Variants in SLC2A5 observed in about 807,000 individuals in gnomAD.
SLC2A5 encodes the protein solute carrier family 2, facilitated glucose transporter member 5.
In SLC2A5, 56 loss-of-function variants were observed where a neutral mutation model predicts 50.3. That is an observed-to-expected ratio of 1.11 (90% confidence interval 0.90 to 1.39). SLC2A5 has a LOEUF of 1.39. Ranked by LOEUF, SLC2A5 falls within the 40% of genes most tolerant of loss-of-function variation. SLC2A5 has a pLI of 0.00. For synonymous variants in SLC2A5, 269 were observed against 281.9 expected (o/e 0.95, Z 0.46); for missense variants, 566 against 650.1 (o/e 0.87, Z 1.41).
upstream of SLC2A5, among the ~76,000 whole-genome samples, chr1:9,090,562 T>C (rs1289779926): frequency 1.3e-5 from 2 of 152,206 alleles, no homozygotes; most frequent in African/African-American, 4.8e-5. Context: ...TCCGCTTTTG[T>C]TCCTGTTTAT....
chr1:9,078,226 G>A (rs1430196667), intron 2 of SLC2A5, among the ~76,000 whole-genome samples: 1 of 152,110 alleles, frequency 6.6e-6, no homozygotes, highest in African/African-American at 2.4e-5. Flanking sequence ...ATGACAGTGA[G>A]GACAACCAGA....
chr1:9,038,597 G>A (rs1557660626), intron 9 of SLC2A5, 91 bp from the exon 10 acceptor site: 7 of 1,272,032 alleles, frequency 5.5e-6, no homozygotes, highest in South Asian at 2.5e-5. Context: ...GGTGGAGGAT[G>A]GCACCTGGCT....
At chr1:9,070,708 CT>C (rs370453099), upstream of SLC2A5, among the ~76,000 whole-genome samples, 278 of 152,232 alleles carry the variant, frequency 1.8e-3, 4 homozygotes, top group Middle Eastern at 0.014. Flanking sequence ...GTGATTGATT[CT>C]GAATCTCATG....
At position 9,039,593 on chromosome 1, in the gene SLC2A5, C is replaced by A; in HGVS notation, c.955G>T (p.Ala319Ser). ...VPEEHVQYVT[A>S]GTGAVNVVMT... ...ACCACGTTCACGGCCCCGGTGCCGG[C>A]CGTCACGTACTGCACGTGCTCCTCC... The change falls in exon 8 of 12, where the codon GCC becomes TCC. Residue 319 changes from alanine (A) to serine (S), a missense_variant. Ala to Ser is a moderately conservative substitution (Grantham distance 99). Transcript: ENST00000377424. 1.3e-6 allele frequency: 2 copies of A among 1,575,614 alleles called. No homozygotes were observed. The highest frequency in any genetic ancestry group is 1.7e-6 in the Non-Finnish European group (2 of 1,161,602).
exon 2 of SLC2A5, chr1:9,085,015 C>T (rs970543396): frequency 6.6e-6 from 1 of 152,554 alleles, no homozygotes; most frequent in African/African-American, 2.4e-5. Flanking sequence ...CTGACTTACC[C>T]CGGCCTTGCA....
At chr1:9,093,882 G>A in the SLC2A5 span, among the ~76,000 whole-genome samples, 1 of 152,068 alleles carries the variant, frequency 6.6e-6, no homozygotes, top group Admixed American at 6.6e-5. Flanking sequence ...CTCCAAAAAG[G>A]AGCTTCGTTT....
At chr1:9,081,267 AAAAAAAAAAAAACCCC>A (rs1459556176) in intron 2 of SLC2A5, among the ~76,000 whole-genome samples, 2 of 144,684 alleles carry the variant, frequency 1.4e-5, no homozygotes, top group Admixed American at 6.8e-5. Context: ...TTCAGAAAAA[AAAAAAAAAAAAACCCC>A]AAAAAAAAAA....
At chr1:9,066,983 TAA>T (rs58819432) in intron 1 of SLC2A5, among the ~76,000 whole-genome samples, 36 of 110,096 alleles carry the variant, frequency 3.3e-4, no homozygotes, top group Non-Finnish European at 4.4e-4. Flanking sequence ...GTCTCAAAAT[TAA>T]AAAAAAAAAA....
At chr1:9,073,913 C>CTATTAAAAATACAAGAATTAGCCA (rs1642252943), upstream of SLC2A5, among the ~76,000 whole-genome samples, 1 of 152,192 alleles carries the variant, frequency 6.6e-6, no homozygotes, top group Admixed American at 6.5e-5. Context: ...AACCCGGTCT[C>CTATTAAAAATACAAGAATTAGCCA]TATTAAAAAT....
Position 9,059,906 on chromosome 1 carries a change from C to T in SLC2A5, c.34-1656G>A, listed in dbSNP as rs545402370. Among the ~76,000 whole-genome samples, 18 of 151,792 alleles carry T rather than the reference C, an allele frequency of 1.2e-4. No homozygotes were observed. The South Asian group carries it at 3.7e-3, about 31-fold the overall frequency. Reference sequence around the variant, plus strand: ...GAAACAATGATCATTCCTGCCTTGTCATGGGGCCCCAGATGGGGTGGAGTG... The same window carrying T: ...GAAACAATGATCATTCCTGCCTTGTTATGGGGCCCCAGATGGGGTGGAGTG... On this transcript the variant is annotated intron_variant, in intron 1 of 11. Coordinates refer to ENST00000377424, the MANE Select transcript of SLC2A5 (RefSeq NM_003039.3).
At chr1:9,075,281 C>T (rs544991412) in intron 2 of SLC2A5, among the ~76,000 whole-genome samples, 9 of 152,258 alleles carry the variant, frequency 5.9e-5, no homozygotes, top group African/African-American at 1.9e-4. Flanking sequence ...CGTTTCACAT[C>T]AAACACCTCA....
At chr1:9,052,976 AT>A in intron 3 of SLC2A5, among the ~76,000 whole-genome samples, 1 of 14,206 alleles carries the variant, frequency 7.0e-5, no homozygotes, top group South Asian at 2.7e-3. Flanking sequence ...AAAAAAAAAT[AT>A]ATATATATAT....
intron 1 of SLC2A5, among the ~76,000 whole-genome samples, chr1:9,064,859 C>A (rs529777323): frequency 6.6e-6 from 1 of 152,040 alleles, no homozygotes; most frequent in Non-Finnish European, 1.5e-5. Context: ...TCAAGACCAG[C>A]CTGGACAACA....
At position 9,078,903 on chromosome 1, in the gene SLC2A5, G is replaced by C. The variant is rs576744938; in HGVS notation, c.-59+6111C>G. Among the ~76,000 whole-genome samples, 11 of 152,274 alleles carry C rather than the reference G, an allele frequency of 7.2e-5. No individual in the cohort carries two copies. The South Asian group carries it at 1.7e-3, about 23-fold the overall frequency. On this transcript the variant is annotated intron_variant, in intron 2 of 5. Coordinates refer to the SLC2A5 transcript ENST00000464985. ...TTAGATAAGGAAGGAATCATTAACA[G>C]ATTCAGAGTGGACCTGACCACCCCA...
At chr1:9,082,770 C>A in intron 2 of SLC2A5, 1 of 427,702 alleles carries the variant, frequency 2.3e-6, no homozygotes, top group African/African-American at 2.1e-5. Context: ...GCAGCCCAAC[C>A]CTGACCTAAA....
At chr1:9,065,111 C>T (rs1300609273) in intron 1 of SLC2A5, among the ~76,000 whole-genome samples, 1 of 151,572 alleles carries the variant, frequency 6.6e-6, no homozygotes, top group African/African-American at 2.4e-5. Context: ...TTCTCTAAAC[C>T]AGTGAGAATT....
At chr1:9,055,303 G>A (rs921310845) in intron 3 of SLC2A5, among the ~76,000 whole-genome samples, 3 of 152,040 alleles carry the variant, frequency 2.0e-5, no homozygotes, top group Admixed American at 2.0e-4. Flanking sequence ...GGATCACAAG[G>A]TCAGGAATTT....
At chr1:9,059,136 CTTTTTTTTTT>C (rs869052429) in intron 1 of SLC2A5, among the ~76,000 whole-genome samples, 2 of 53,926 alleles carry the variant, frequency 3.7e-5, no homozygotes, top group Non-Finnish European at 6.2e-5. Flanking sequence ...GCCTTTCTTT[CTTTTTTTTTT>C]TTTTTTTTTT....
In SLC2A5 at chr1:9,038,828, C is replaced by T. The variant is rs539172283; in HGVS notation, c.1098G>A (p.Gln366=). The part of the protein sequence containing the change: ...CCVLTAALAL[Q]DTVSWMPYIS... The stretch of plus-strand genomic sequence containing the variant: ...TCCTGGGACCCTGGCCTGTCCTCAC[C>T]TGCAGTGCCAGAGCTGCAGTGAGCA... The change falls in exon 9 of 12, where the codon CAG becomes CAA. Residue 366 remains glutamine (Q), a splice_region_variant and synonymous_variant. Coordinates refer to ENST00000377424, the MANE Select transcript of SLC2A5 (RefSeq NM_003039.3). 1 of 1,605,508 alleles carries T rather than the reference C, an allele frequency of 6.2e-7. No individual in the cohort carries two copies. The highest frequency in any genetic ancestry group is 2.2e-5 in the East Asian group (1 of 44,604).
Sources: allele counts gnomAD v4.1 joint callset (sites outside exome capture counted in the v4.1 genomes callset), GRCh38; gene constraint gnomAD v4.1.1; transcripts MANE v1.5; gene names NCBI Gene and HGNC (gene_info 2026-07-23, HGNC 2026-07-21).